The following GABBR2 variants were observed in gnomAD, a reference collection of about 807,000 sequenced individuals.
GABBR2 encodes G-protein coupled receptor 51.
Under a neutral mutation model 105.6 loss-of-function variants are expected in GABBR2, and 23 were observed. The ratio of observed to expected loss-of-function variants is 0.22; its 90% CI spans 0.16 to 0.31. The LOEUF is 0.31. Ranked by LOEUF, GABBR2 falls within the 10% of genes least tolerant of loss-of-function variation. GABBR2 has a pLI of 1.00. For synonymous variants in GABBR2, 478 were observed against 499.7 expected, an observed-to-expected ratio of 0.96 and a Z score of 0.58; for missense variants, 734 against 1,245.5, an observed-to-expected ratio of 0.59 and a Z score of 6.18.
intron 1 of GABBR2, among the ~76,000 whole-genome samples, chr9:98,643,342 C>T (rs945083396): frequency 6.9e-6 from 1 of 144,796 alleles, no homozygotes; most frequent in African/African-American, 2.7e-5. Flanking sequence ...GTCATTTCCT[C>T]CATGGAATCT....
At chr9:98,543,172 AC>A (rs1456439137) in intron 2 of GABBR2, among the ~76,000 whole-genome samples, 1 of 151,970 alleles carries the variant, frequency 6.6e-6, no homozygotes, top group Non-Finnish European at 1.5e-5. Flanking sequence ...CCTAAATGCC[AC>A]CCCTTCCATA....
At position 98,411,142 on chromosome 9, in the gene GABBR2, T is replaced by C. The variant is rs77821585; in HGVS notation, c.1237-5001A>G. 5.8e-3 allele frequency among the ~76,000 whole-genome samples: 881 copies of C among 152,300 alleles called. 39 individuals carry two copies. The East Asian group carries it at 0.099, about 17-fold the overall frequency. ...GGGAAAGTTCCAAGTGGATAACTTATAAGGATTTTTTTTCCCCCTGAAAGA... is the reference window on the plus strand; with the variant it reads ...GGGAAAGTTCCAAGTGGATAACTTACAAGGATTTTTTTTCCCCCTGAAAGA... On this transcript the variant is annotated intron_variant, in intron 7 of 18. Coordinates refer to ENST00000259455, the MANE Select transcript of GABBR2 (RefSeq NM_005458.8).
rs772567106 is a variant in GABBR2, at chr9:98,385,779, A to C, written c.1530-7T>G. 26 of 1,606,070 alleles carry C rather than the reference A, an allele frequency of 1.6e-5. No individual in the cohort carries two copies. In the Admixed American group the frequency reaches 4.2e-4, roughly 26 times the overall value. Reference sequence around the variant, plus strand: ...ACTCGACATCTTTATGAGCCTGACAAGAGAAAGAGACAATAGATTTAACAG... The same window carrying C: ...ACTCGACATCTTTATGAGCCTGACACGAGAAAGAGACAATAGATTTAACAG... On this transcript the variant is annotated splice_region_variant and splice_polypyrimidine_tract_variant and intron_variant, in intron 10 of 18. Transcript: ENST00000259455.
chr9:98,367,921 C>T (rs1381937471), intron 12 of GABBR2, among the ~76,000 whole-genome samples: 2 of 152,082 alleles, frequency 1.3e-5, no homozygotes, highest in African/African-American at 4.8e-5. Context: ...TTTATTGTTA[C>T]AGTTTTGTTT....
At chr9:98,586,549 C>T (rs972081232) in intron 1 of GABBR2, among the ~76,000 whole-genome samples, 8 of 152,218 alleles carry the variant, frequency 5.3e-5, no homozygotes, top group African/African-American at 1.9e-4. Context: ...ATCCACCCGC[C>T]TTGGCCTCCC....
chr9:98,627,193 C>T (rs1829750499), intron 1 of GABBR2, among the ~76,000 whole-genome samples: 1 of 152,114 alleles, frequency 6.6e-6, no homozygotes, highest in South Asian at 2.1e-4. Context: ...ACATGATACT[C>T]ACAGCCCACC....
chr9:98,396,844 C>T (rs536679827), intron 8 of GABBR2, among the ~76,000 whole-genome samples: 1 of 152,286 alleles, frequency 6.6e-6, no homozygotes, highest in South Asian at 2.1e-4. Context: ...CTGTATGCAC[C>T]GTCCCATGGC....
chr9:98,615,799 G>C (rs1278025691), intron 1 of GABBR2, among the ~76,000 whole-genome samples: 1 of 152,198 alleles, frequency 6.6e-6, no homozygotes, highest in Non-Finnish European at 1.5e-5. Context: ...AAACAGCTCT[G>C]TGTGGGAGGG....
intron 12 of GABBR2, among the ~76,000 whole-genome samples, chr9:98,364,622 A>G (rs1359863860): frequency 1.6e-5 from 1 of 62,286 alleles, no homozygotes; most frequent in Non-Finnish European, 3.0e-5. Flanking sequence ...TTTTTTATGG[A>G]ATCTTGCTTT....
chr9:98,565,254 A>G (rs1828736318), intron 2 of GABBR2, among the ~76,000 whole-genome samples: 1 of 148,086 alleles, frequency 6.8e-6, no homozygotes, highest in South Asian at 2.2e-4. Context: ...CACAGCTGCA[A>G]GGCTGCTCCT....
chr9:98,398,332 C>A (rs201105408), intron 8 of GABBR2, among the ~76,000 whole-genome samples: 8 of 151,826 alleles, frequency 5.3e-5, no homozygotes, highest in African/African-American at 1.7e-4. Flanking sequence ...ACCCACCCCC[C>A]AAACTCAGGC....
chr9:98,408,886 CAG>C (rs997969323), intron 7 of GABBR2, among the ~76,000 whole-genome samples: 1 of 152,212 alleles, frequency 6.6e-6, no homozygotes, highest in African/African-American at 2.4e-5. Context: ...CTTCTGGGTT[CAG>C]GCGACCCTCC....
intron 8 of GABBR2, among the ~76,000 whole-genome samples, chr9:98,395,760 C>G (rs1377780080): frequency 2.0e-5 from 3 of 151,580 alleles, no homozygotes; most frequent in Admixed American, 6.6e-5. Flanking sequence ...ATGGATGAAG[C>G]AGATTTAGGG....
chr9:98,346,059 G>A (rs1831298731), intron 13 of GABBR2, among the ~76,000 whole-genome samples: 2 of 152,216 alleles, frequency 1.3e-5, no homozygotes, highest in Non-Finnish European at 2.9e-5. Context: ...CGTTAGCGGA[G>A]GGTTTTACCT....
intron 13 of GABBR2, 168 bp downstream of exon 13, chr9:98,362,547 C>T (rs1474261071): frequency 2.4e-6 from 1 of 410,200 alleles, no homozygotes; most frequent in Non-Finnish European, 4.2e-6. Flanking sequence ...TTTCACAACA[C>T]CTTATATTTG....
intron 6 of GABBR2, among the ~76,000 whole-genome samples, chr9:98,472,716 G>A (rs931134101): frequency 6.6e-6 from 1 of 152,086 alleles, no homozygotes; most frequent in Non-Finnish European, 1.5e-5. Flanking sequence ...GGGGTTTGAC[G>A]CAGTCTGGCA....
chr9:98,398,360 G>A (rs998697648), intron 8 of GABBR2, among the ~76,000 whole-genome samples: 9 of 151,564 alleles, frequency 5.9e-5, no homozygotes, highest in African/African-American at 2.2e-4. Context: ...AGAGCTCTGA[G>A]CTAGAAGACA....
At chr9:98,377,604 G>A (rs1229124963) in intron 11 of GABBR2, among the ~76,000 whole-genome samples, 2 of 152,206 alleles carry the variant, frequency 1.3e-5, no homozygotes, top group Admixed American at 1.3e-4. Context: ...CAGGTGCCTG[G>A]GAATGTTATC....
chr9:98,296,931 T>C (rs899729263), intron 17 of GABBR2, among the ~76,000 whole-genome samples: 1 of 152,158 alleles, frequency 6.6e-6, no homozygotes, highest in African/African-American at 2.4e-5. Context: ...TGATTTCTGT[T>C]TTGCATCAAA....
Sources: gnomAD v4.1 joint callset for allele counts (sites outside exome capture counted in the v4.1 genomes callset) on GRCh38, gnomAD v4.1.1 for gene constraint, MANE v1.5 for transcripts, NCBI Gene and HGNC (gene_info 2026-07-23, HGNC 2026-07-21) for gene names.